The following TBL1XR1 variants were observed in gnomAD, a reference collection of about 807,000 sequenced individuals.
The protein encoded by TBL1XR1 is F-box-like/WD repeat-containing protein TBL1XR1.
TBL1XR1 carries 5 observed loss-of-function variants against 66.9 expected under a neutral mutation model. The observed-to-expected ratio is 0.07, with a 90% CI of 0.04 to 0.16. The LOEUF (loss-of-function observed/expected upper bound fraction) is 0.16, where lower values mean the gene tolerates loss of function less well. Ranked by LOEUF, TBL1XR1 falls within the 10% of genes least tolerant of loss-of-function variation. TBL1XR1 has a pLI of 1.00. For synonymous variants in TBL1XR1, 210 were observed against 206.0 expected, an observed-to-expected ratio of 1.02 and a Z score of -0.17; for missense variants, 238 against 623.2, an observed-to-expected ratio of 0.38 and a Z score of 6.58.
At chr3:177,140,350 C>T (rs994111070) in intron 1 of TBL1XR1, among the ~76,000 whole-genome samples, 1 of 152,082 alleles carries the variant, frequency 6.6e-6, no homozygotes, top group South Asian at 2.1e-4. Flanking sequence ...CCAAAGCTTC[C>T]CCAAATGCAT....
chr3:177,068,562 A>G (rs925607436), intron 2 of TBL1XR1, among the ~76,000 whole-genome samples: 2 of 152,224 alleles, frequency 1.3e-5, no homozygotes, highest in African/African-American at 4.8e-5. Flanking sequence ...AGTGAGCTGA[A>G]TATGTACAGC....
At chr3:177,195,629 C>T (rs958496158) in intron 1 of TBL1XR1, 1 of 151,486 alleles carries the variant, frequency 6.6e-6, no homozygotes, top group Admixed American at 6.6e-5. Flanking sequence ...GATGAACACA[C>T]CACGAGGGCC....
chr3:177,046,276 A>C, intron 9 of TBL1XR1, 87 bp from the exon 10 acceptor site: 1 of 923,780 alleles, frequency 1.1e-6, no homozygotes, highest in Non-Finnish European at 1.6e-6. Flanking sequence ...TATTACAGCA[A>C]TATGAAATGT....
At chr3:177,087,999 CTA>C (rs1722360423) in intron 2 of TBL1XR1, among the ~76,000 whole-genome samples, 1 of 152,144 alleles carries the variant, frequency 6.6e-6, no homozygotes, top group East Asian at 1.9e-4. Flanking sequence ...ATCTATCCCT[CTA>C]TTGTGGGTAT....
At chr3:177,155,600 G>C (rs1055570593) in intron 1 of TBL1XR1, among the ~76,000 whole-genome samples, 18 of 152,096 alleles carry the variant, frequency 1.2e-4, no homozygotes, top group Non-Finnish European at 1.6e-4. Context: ...AGGATACTAA[G>C]GACTTTCAAA....
intron 2 of TBL1XR1, among the ~76,000 whole-genome samples, chr3:177,086,249 G>T (rs7625461): frequency 0.31 from 47,066 of 151,466 alleles, 7,740 homozygotes; most frequent in East Asian, 0.58. Flanking sequence ...ATAATCAATA[G>T]TTTAAAATTG....
At chr3:177,050,387 G>A in intron 6 of TBL1XR1, 91 bp downstream of exon 6, 1 of 1,469,470 alleles carries the variant, frequency 6.8e-7, no homozygotes, top group East Asian at 2.5e-5. Flanking sequence ...CCACAACTAA[G>A]CAACAACAGA....
intron 4 of TBL1XR1, among the ~76,000 whole-genome samples, chr3:177,052,000 A>G (rs947945225): frequency 8.5e-5 from 13 of 152,222 alleles, no homozygotes; most frequent in Non-Finnish European, 1.5e-4. Flanking sequence ...AATAAGATGT[A>G]GGCCGAGCTG....
At chr3:177,035,990 T>C (rs752109900) in intron 12 of TBL1XR1, among the ~76,000 whole-genome samples, 3 of 152,174 alleles carry the variant, frequency 2.0e-5, no homozygotes, top group Non-Finnish European at 2.9e-5. Context: ...TAAGCACCCA[T>C]GGCACATCAA....
intron 1 of TBL1XR1, among the ~76,000 whole-genome samples, chr3:177,132,061 G>A (rs186608972): frequency 6.6e-6 from 1 of 152,160 alleles, no homozygotes; most frequent in Admixed American, 6.5e-5. Flanking sequence ...ATGTTGCTCT[G>A]AAACCATGAA....
intron 1 of TBL1XR1, among the ~76,000 whole-genome samples, chr3:177,112,922 G>A (rs1725832378): frequency 6.6e-6 from 1 of 152,044 alleles, no homozygotes; most frequent in Admixed American, 6.5e-5. Context: ...AGAATCGCTT[G>A]AATCTGAAAG....
intron 1 of TBL1XR1, among the ~76,000 whole-genome samples, chr3:177,183,232 A>C (rs1471345271): frequency 1.3e-5 from 2 of 152,250 alleles, no homozygotes; most frequent in Non-Finnish European, 2.9e-5. Context: ...AGTATTTTCT[A>C]AATTCACTGA....
At chr3:177,097,484 A>C (rs1191083238) in intron 2 of TBL1XR1, among the ~76,000 whole-genome samples, 13 of 152,198 alleles carry the variant, frequency 8.5e-5, no homozygotes, top group Non-Finnish European at 1.9e-4. Flanking sequence ...GTTTTATAAG[A>C]GTACTGCCAA....
At chr3:177,075,256 G>A (rs1298966516) in intron 2 of TBL1XR1, among the ~76,000 whole-genome samples, 1 of 152,172 alleles carries the variant, frequency 6.6e-6, no homozygotes, top group African/African-American at 2.4e-5. Context: ...TTTTCACATG[G>A]CCACCTTGCT....
In TBL1XR1 at chr3:177,019,823, A is replaced by C. The variant is rs1362647654; in HGVS notation, c.*5675T>G. The C allele has an allele frequency of 6.6e-6, 1 of 152,136 alleles. No individual in the cohort carries two copies. Among genetic ancestry groups the C allele is most frequent in the African/African-American group, 2.4e-5 (1 of 41,440 alleles). 9.4% of individuals were successfully genotyped at this position (152,136 alleles called of 1,614,324 possible). On this transcript the variant is annotated 3_prime_UTR_variant, in exon 16 of 16. Transcript: ENST00000457928. ...GTATACAATGCAGGATATTACTAAT[A>C]ATCTATGCCATGCAATAAAAGTTAA...
intron 1 of TBL1XR1, among the ~76,000 whole-genome samples, chr3:177,134,969 G>C (rs9876971): frequency 1.0e-5 from 1 of 95,518 alleles, no homozygotes; most frequent in South Asian, 2.8e-4. Flanking sequence ...GTGTGTGTCT[G>C]TGTGTGTGTC....
At chr3:177,156,854 C>A (rs747906825) in intron 1 of TBL1XR1, among the ~76,000 whole-genome samples, 2 of 152,094 alleles carry the variant, frequency 1.3e-5, no homozygotes, top group Non-Finnish European at 2.9e-5. Context: ...TACATCCGCA[C>A]AACAAAATGA....
chr3:177,108,992 G>A (rs1314248641), intron 1 of TBL1XR1, among the ~76,000 whole-genome samples: 1 of 152,148 alleles, frequency 6.6e-6, no homozygotes, highest in African/African-American at 2.4e-5. Context: ...TTTTTGATGG[G>A]ATAAGGATAT....
intron 1 of TBL1XR1, chr3:177,136,286 C>G (rs1728988103): frequency 1.3e-5 from 2 of 151,978 alleles, no homozygotes; most frequent in African/African-American, 4.8e-5. Flanking sequence ...ACTGACATAC[C>G]TCTCAATTTT....
Sources: allele counts gnomAD v4.1 joint callset (sites outside exome capture counted in the v4.1 genomes callset), GRCh38; gene constraint gnomAD v4.1.1; transcripts MANE v1.5; gene names NCBI Gene and HGNC (gene_info 2026-07-23, HGNC 2026-07-21).